DNAH6: variants seen among roughly 807,000 people sequenced by gnomAD.
DNAH6 encodes the protein axonemal beta dynein heavy chain 6.
Under a neutral mutation model 491.4 loss-of-function variants are expected in DNAH6, and 340 were observed. That is an observed-to-expected ratio of 0.69 (90% CI 0.63 to 0.76). The LOEUF is 0.76. Ranked by LOEUF, DNAH6 falls within the 30% of genes least tolerant of loss-of-function variation. The pLI is 0.00. For synonymous variants in DNAH6, 1,603 were observed against 1,686.1 expected (o/e 0.95, Z 1.21); for missense variants, 4,443 against 4,972.2 (o/e 0.89, Z 3.20).
Position 84,594,031 on chromosome 2 carries a change from A to G in DNAH6, c.2670A>G (p.Gln890=), listed in dbSNP as rs1190675752. Reference sequence around the variant, plus strand: ...TCAGTGCTGAACTGAAGCTCAAACAATTGCTCTGGGATTCTTTCTCTGAAT... The same window carrying G: ...TCAGTGCTGAACTGAAGCTCAAACAGTTGCTCTGGGATTCTTTCTCTGAAT... ...EEVSAELKLK[Q]LLWDSFSEWD... Residue 890 remains glutamine (Q), a synonymous_variant, in exon 17 of 77, where the codon CAA becomes CAG. Coordinates refer to ENST00000389394, the MANE Select transcript of DNAH6 (RefSeq NM_001370.2). 3.2e-6 allele frequency: 5 copies of G among 1,551,116 alleles called. No individual in the cohort carries two copies. The Admixed American group carries it at 5.9e-5, about 18-fold the overall frequency.
Position 84,621,515 on chromosome 2 carries a change from A to G in DNAH6, c.4035A>G (p.Ile1345Met). Reference protein sequence around the residue: ...ECLETEHSNHIQALKNFEKVN... With the variant: ...ECLETEHSNHMQALKNFEKVN... ...TGGAAACAGAACACAGTAATCATAT[A>G]CAGGCCCTGAAGAATTTTGAAAAAG... The change falls in exon 26 of 77, where the codon ATA becomes ATG. Residue 1345 changes from isoleucine to methionine, a missense_variant. Transcript: ENST00000389394. 2 of 1,527,860 alleles carry G rather than the reference A, an allele frequency of 1.3e-6. No individual in the cohort carries two copies. The highest frequency in any genetic ancestry group is 1.8e-6 in the Non-Finnish European group (2 of 1,127,702). 94.6% of individuals were successfully genotyped at this position (1,527,860 alleles called of 1,614,324 possible).
At chr2:84,760,336 G>C (rs986878539) in intron 63 of DNAH6, among the ~76,000 whole-genome samples, 1 of 152,118 alleles carries the variant, frequency 6.6e-6, no homozygotes, top group Non-Finnish European at 1.5e-5. Flanking sequence ...AGAAGCTTCT[G>C]CTCGGCAAAA....
the DNAH6 span, among the ~76,000 whole-genome samples, chr2:84,462,937 A>T: frequency 1.3e-5 from 2 of 152,200 alleles, no homozygotes; most frequent in Non-Finnish European, 2.9e-5. Context: ...CCTGAGAGAC[A>T]TGCCATCCTC....
In DNAH6 at chr2:84,654,753, A is replaced by G. The variant is rs560927624; in HGVS notation, c.5728A>G (p.Lys1910Glu). 2.4e-5 allele frequency: 37 copies of G among 1,551,144 alleles called. No individual in the cohort carries two copies. The South Asian group carries it at 4.4e-4, about 18-fold the overall frequency. The change falls in exon 35 of 77, where the codon AAA becomes GAA. Residue 1910 changes from lysine (K) to glutamate (E), a missense_variant. Lys to Glu is a moderately conservative substitution (Grantham distance 56, BLOSUM62 1). Coordinates refer to ENST00000389394, the MANE Select transcript of DNAH6 (RefSeq NM_001370.2). ...AGAACTGAAATGGATGCCTTATGTT[A>G]AAACTTGGATGAAGGGTATTTCTAA... ...PEELKWMPYVKTWMKGISKKL... is the reference protein window; with the variant it reads ...PEELKWMPYVETWMKGISKKL...
chr2:84,637,070 G>A (rs1688953450), intron 30 of DNAH6, 140 bp from the exon 31 acceptor site: 2 of 683,490 alleles, frequency 2.9e-6, no homozygotes, highest in Non-Finnish European at 4.7e-6. Context: ...AATCAGAAAT[G>A]TTCCCTGTTG....
intron 60 of DNAH6, among the ~76,000 whole-genome samples, chr2:84,727,244 G>T (rs998930103): frequency 1.3e-5 from 2 of 152,054 alleles, no homozygotes; most frequent in African/African-American, 4.8e-5. Flanking sequence ...TCAAGAGCTT[G>T]GTGTTGGTCC....
At chr2:84,761,361 T>G (rs562525829) in intron 63 of DNAH6, among the ~76,000 whole-genome samples, 169 of 152,046 alleles carry the variant, frequency 1.1e-3, no homozygotes, top group African/African-American at 3.9e-3. Flanking sequence ...AAAAAAAAAT[T>G]ACTTAATGAG....
chr2:84,769,678 G>A (rs969535559), intron 64 of DNAH6, among the ~76,000 whole-genome samples: 4 of 152,054 alleles, frequency 2.6e-5, no homozygotes, highest in African/African-American at 9.7e-5. Flanking sequence ...AATCTAACTA[G>A]GAATGCTCCA....
chr2:84,689,121 C>G (rs1694594126), intron 45 of DNAH6, among the ~76,000 whole-genome samples: 1 of 152,310 alleles, frequency 6.6e-6, no homozygotes, highest in African/African-American at 2.4e-5. Flanking sequence ...TTTGACAGTT[C>G]TAATGCTAAA....
At chr2:84,561,806 G>T (rs1275422277) in intron 11 of DNAH6, among the ~76,000 whole-genome samples, 1 of 152,114 alleles carries the variant, frequency 6.6e-6, no homozygotes, top group African/African-American at 2.4e-5. Flanking sequence ...GATCATCACT[G>T]GCCATCAGAG....
At chr2:84,659,709 C>T (rs1338777539) in intron 37 of DNAH6, among the ~76,000 whole-genome samples, 1 of 152,112 alleles carries the variant, frequency 6.6e-6, no homozygotes, top group African/African-American at 2.4e-5. Context: ...ATTGCCTGGG[C>T]ACATGGCTTA....
In DNAH6 at chr2:84,573,579, A is replaced by C; in HGVS notation, c.1916A>C (p.Gln639Pro). Residue 639 changes from glutamine (Q) to proline (P), a missense_variant, in exon 12 of 77, where the codon CAG becomes CCG. By Grantham distance (76) the Gln-to-Pro change is moderately conservative (BLOSUM62 -1). Transcript: ENST00000389394. ...ESLDLQALKL[Q>P]EPDINFFSEQ... ...CTTGATTTACAAGCTCTTAAACTTCAGGAACCTGGTAACTTGTCCATTTGT... is the reference window on the plus strand; with the variant it reads ...CTTGATTTACAAGCTCTTAAACTTCCGGAACCTGGTAACTTGTCCATTTGT... 1 of 1,569,286 alleles carries C rather than the reference A, an allele frequency of 6.4e-7. No homozygotes were observed. The highest frequency in any genetic ancestry group is 8.6e-7 in the Non-Finnish European group (1 of 1,167,586).
At chr2:84,608,430 G>A (rs1258083593) in intron 21 of DNAH6, among the ~76,000 whole-genome samples, 1 of 152,166 alleles carries the variant, frequency 6.6e-6, no homozygotes, top group African/African-American at 2.4e-5. Flanking sequence ...CAAGTTGAAA[G>A]TACTCCTTAA....
At chr2:84,764,100 A>G (rs746035826) in intron 64 of DNAH6, among the ~76,000 whole-genome samples, 5 of 152,188 alleles carry the variant, frequency 3.3e-5, no homozygotes, top group Non-Finnish European at 5.9e-5. Context: ...TGAAATGCTA[A>G]TCTCACCCAG....
intron 37 of DNAH6, among the ~76,000 whole-genome samples, chr2:84,668,235 A>G (rs1232840643): frequency 6.6e-6 from 1 of 152,258 alleles, no homozygotes; most frequent in Non-Finnish European, 1.5e-5. Context: ...AACTTAAAGT[A>G]TAATAATAAA....
chr2:84,812,683 A>G (rs928257907), intron 73 of DNAH6, among the ~76,000 whole-genome samples, 157 bp downstream of exon 73: 3 of 152,244 alleles, frequency 2.0e-5, no homozygotes, highest in Non-Finnish European at 4.4e-5. Context: ...TAAAAGTCTT[A>G]TACTGATTAT....
chr2:84,708,208 C>T (rs888125619), intron 54 of DNAH6, among the ~76,000 whole-genome samples: 5 of 151,778 alleles, frequency 3.3e-5, no homozygotes, highest in South Asian at 2.1e-4. Flanking sequence ...GAGGCCAAGG[C>T]GGGTGGATCA....
At chr2:84,479,648 C>G in the DNAH6 span, among the ~76,000 whole-genome samples, 1 of 152,190 alleles carries the variant, frequency 6.6e-6, no homozygotes, top group Non-Finnish European at 1.5e-5. Flanking sequence ...CGTACCCACT[C>G]TGTAGTGGGA....
the DNAH6 span, among the ~76,000 whole-genome samples, chr2:84,499,358 T>C: frequency 6.6e-6 from 1 of 152,240 alleles, no homozygotes; most frequent in Non-Finnish European, 1.5e-5. Context: ...CCCATGTTGT[T>C]GCAAATGACT....
Sources: gnomAD v4.1 joint callset for allele counts (sites outside exome capture counted in the v4.1 genomes callset) on GRCh38, gnomAD v4.1.1 for gene constraint, MANE v1.5 for transcripts, NCBI Gene and HGNC (gene_info 2026-07-23, HGNC 2026-07-21) for gene names.